The following LRRTM3 variants were observed in gnomAD, a reference collection of about 807,000 sequenced individuals.
LRRTM3 encodes the protein leucine-rich repeat transmembrane neuronal protein 3.
In LRRTM3, 24 loss-of-function variants were observed where a neutral mutation model predicts 44.7. The observed-to-expected ratio is 0.54, with a 90% CI of 0.39 to 0.76. The LOEUF (loss-of-function observed/expected upper bound fraction) is 0.76. LRRTM3 is among the 30% of genes least tolerant of loss of function. The probability of loss-of-function intolerance (pLI) is 0.00; values close to 1 mark genes in which losing one functional copy is unlikely to be tolerated. For synonymous variants in LRRTM3, 277 were observed against 278.7 expected (o/e 0.99, Z 0.06); for missense variants, 587 against 702.2 (o/e 0.84, Z 1.85).
intron 2 of LRRTM3, among the ~76,000 whole-genome samples, chr10:67,086,809 A>T (rs1173882560): frequency 6.6e-6 from 1 of 151,998 alleles, no homozygotes; most frequent in East Asian, 1.9e-4. Context: ...AGTATCTGTT[A>T]TGTTTGTTTG....
chr10:67,001,516 T>C (rs984876584), intron 2 of LRRTM3, among the ~76,000 whole-genome samples: 1 of 151,716 alleles, frequency 6.6e-6, no homozygotes, highest in Admixed American at 6.6e-5. Flanking sequence ...TAGAGGAATA[T>C]AGAATTTTTC....
intron 2 of LRRTM3, among the ~76,000 whole-genome samples, chr10:66,944,520 C>T (rs1253033144): frequency 6.6e-6 from 1 of 152,160 alleles, no homozygotes; most frequent in African/African-American, 2.4e-5. Flanking sequence ...GTTTTGACTT[C>T]CTCTCATGAA....
intron 2 of LRRTM3, among the ~76,000 whole-genome samples, chr10:67,034,378 A>G (rs1361957897): frequency 6.6e-6 from 1 of 152,176 alleles, no homozygotes; most frequent in Admixed American, 6.5e-5. Flanking sequence ...ATGCCCAATA[A>G]AATGTTCTGG....
chr10:66,938,605 C>T (rs145612232), intron 2 of LRRTM3, among the ~76,000 whole-genome samples: 1 of 152,152 alleles, frequency 6.6e-6, no homozygotes, highest in Non-Finnish European at 1.5e-5. Context: ...GTGGCAGAGT[C>T]GGAAGATAAT....
intron 2 of LRRTM3, among the ~76,000 whole-genome samples, chr10:67,029,764 A>G (rs573604166): frequency 2.6e-4 from 40 of 152,312 alleles, no homozygotes; most frequent in African/African-American, 9.6e-4. Context: ...ACCAATCAAT[A>G]CCTGTGATGT....
intron 2 of LRRTM3, among the ~76,000 whole-genome samples, chr10:66,943,029 C>T (rs1464609787): frequency 6.6e-6 from 1 of 152,114 alleles, no homozygotes; most frequent in Admixed American, 6.6e-5. Flanking sequence ...CAAGGGATAT[C>T]AGAAATTTGG....
chr10:66,954,323 A>T (rs1249670371), intron 2 of LRRTM3, among the ~76,000 whole-genome samples: 1 of 152,148 alleles, frequency 6.6e-6, no homozygotes, highest in Non-Finnish European at 1.5e-5. Flanking sequence ...GTGTCTAGTT[A>T]AACTAATTTA....
rs151289715 is a variant in LRRTM3 at position 67,097,792 on chromosome 10, C to G, written c.1742C>G (p.Ala581Gly). 6.2e-7 allele frequency: 1 copy of G among 1,612,048 alleles called. No homozygotes were observed. Among genetic ancestry groups the G allele is most frequent in the African/African-American group, 1.3e-5 (1 of 74,864 alleles). Reference protein sequence around the residue: ...GRISDHKQQLA With the variant: ...GRISDHKQQLG ...ATCAGTGACCATAAACAGCAGCTAGCTTAACTGAGATCATTGGTAGCCAGG... is the reference window on the plus strand; with the variant it reads ...ATCAGTGACCATAAACAGCAGCTAGGTTAACTGAGATCATTGGTAGCCAGG... The change falls in exon 3 of 3, where the codon GCT becomes GGT. Residue 581 changes from alanine to glycine, a missense_variant. Ala to Gly is a moderately conservative substitution (Grantham distance 60). Coordinates refer to ENST00000361320, the MANE Select transcript of LRRTM3 (RefSeq NM_178011.5).
chr10:66,926,732 C>A lies in LRRTM3; in HGVS notation c.4+145C>A, dbSNP rs1040605241. 9.1e-5 allele frequency: 97 copies of A among 1,069,344 alleles called. No individual in the cohort carries two copies. In the African/African-American group the frequency reaches 1.5e-3, roughly 16 times the overall value. The allele number at this position is 1,069,344 out of a possible 1,614,324, so 66.2% of individuals were successfully genotyped here. A position where few individuals can be genotyped will look rare whatever the true frequency, so the allele number is the denominator to read the frequency against. ...AATTTATTTGCTTAGTGGCATGTTT[C>A]CTTGTTTAACTATTTAAAAAAACAA... is the stretch of plus-strand genomic sequence containing the variant. On this transcript the variant is annotated intron_variant, in intron 1 of 2. Coordinates refer to ENST00000361320, the MANE Select transcript of LRRTM3 (RefSeq NM_178011.5).
chr10:67,089,076 T>C (rs1857477145), intron 2 of LRRTM3, among the ~76,000 whole-genome samples: 1 of 152,018 alleles, frequency 6.6e-6, no homozygotes, highest in Non-Finnish European at 1.5e-5. Flanking sequence ...ATGTAAGTAC[T>C]ACACACCATT....
intron 2 of LRRTM3, among the ~76,000 whole-genome samples, chr10:67,003,619 C>T (rs1017460998): frequency 6.6e-6 from 1 of 152,176 alleles, no homozygotes; most frequent in Non-Finnish European, 1.5e-5. Context: ...ACTTACTTAA[C>T]CATGAAACCT....
intron 2 of LRRTM3, among the ~76,000 whole-genome samples, chr10:66,985,223 G>A (rs1850662302): frequency 6.6e-6 from 1 of 152,136 alleles, no homozygotes; most frequent in Non-Finnish European, 1.5e-5. Flanking sequence ...AGTTTATTTA[G>A]TAAAGGGGTG....
intron 2 of LRRTM3, among the ~76,000 whole-genome samples, chr10:66,970,502 T>TGGGGGGG (rs11367465): frequency 1.4e-5 from 2 of 138,514 alleles, no homozygotes; most frequent in Non-Finnish European, 3.2e-5. Flanking sequence ...TATTCTTGGG[T>TGGGGGGG]GGGGGGGGGA....
At chr10:67,045,248 G>T (rs1225417337) in intron 2 of LRRTM3, among the ~76,000 whole-genome samples, 3 of 152,072 alleles carry the variant, frequency 2.0e-5, no homozygotes, top group African/African-American at 4.8e-5. Context: ...TTAAATACCT[G>T]TTTTGTGACA....
intron 2 of LRRTM3, among the ~76,000 whole-genome samples, chr10:66,934,315 T>G (rs1847572095): frequency 6.6e-6 from 1 of 152,258 alleles, no homozygotes; most frequent in South Asian, 2.1e-4. Context: ...GGATTCTCAT[T>G]TATCCTTTCT....
chr10:66,983,254 C>T (rs1015287030), intron 2 of LRRTM3, among the ~76,000 whole-genome samples: 5 of 152,062 alleles, frequency 3.3e-5, no homozygotes, highest in Non-Finnish European at 7.4e-5. Context: ...CCATCCTAGC[C>T]CCCTCCCAGC....
chr10:67,034,998 A>G (rs2394319), intron 2 of LRRTM3, among the ~76,000 whole-genome samples: 133,893 of 152,204 alleles, frequency 0.88, 59,120 homozygotes, highest in Admixed American at 0.94. Flanking sequence ...CCGTTCAGAA[A>G]TCACTTATTT....
chr10:66,926,739 T>G, intron 1 of LRRTM3, 152 bp downstream of exon 1: 1 of 1,061,094 alleles, frequency 9.4e-7, no homozygotes, highest in Non-Finnish European at 1.4e-6. Context: ...TTTCCTTGTT[T>G]AACTATTTAA....
At chr10:67,054,106 A>G (rs1486090821) in intron 2 of LRRTM3, among the ~76,000 whole-genome samples, 1 of 152,192 alleles carries the variant, frequency 6.6e-6, no homozygotes, top group Non-Finnish European at 1.5e-5. Context: ...CTTAGTATCC[A>G]TCGCTCCTTT....
Sources: allele counts gnomAD v4.1 joint callset (sites outside exome capture counted in the v4.1 genomes callset), GRCh38; gene constraint gnomAD v4.1.1; transcripts MANE v1.5; gene names NCBI Gene and HGNC (gene_info 2026-07-23, HGNC 2026-07-21).